RCAN2: variants seen among roughly 807,000 people sequenced by gnomAD.
RCAN2 encodes calcipressin-2.
RCAN2 carries 9 observed loss-of-function variants against 23.6 expected under a neutral mutation model. The ratio of observed to expected loss-of-function variants is 0.38; its 90% CI spans 0.23 to 0.67. The LOEUF (loss-of-function observed/expected upper bound fraction) is 0.67, where lower values mean the gene tolerates loss of function less well. Among genes scored for constraint, RCAN2 ranks in the 30% least tolerant of loss-of-function variants. The pLI is 0.51. For missense variants in RCAN2, 273 were observed against 302.3 expected (o/e 0.90, Z 0.72); for synonymous variants, 109 against 115.7 (o/e 0.94, Z 0.37).
At chr6:46,426,175 A>T (rs1412255920) in intron 2 of RCAN2, among the ~76,000 whole-genome samples, 3 of 152,142 alleles carry the variant, frequency 2.0e-5, no homozygotes, top group Non-Finnish European at 4.4e-5. Context: ...CTGGGATTAC[A>T]GGCATGAGCC....
chr6:46,361,946 T>A (rs1381497913), intron 2 of RCAN2, among the ~76,000 whole-genome samples: 2 of 152,212 alleles, frequency 1.3e-5, no homozygotes, highest in African/African-American at 4.8e-5. Context: ...GTTTGGAGAA[T>A]TTCAGCAGAG....
intron 2 of RCAN2, among the ~76,000 whole-genome samples, chr6:46,282,733 G>A (rs1053081458): frequency 3.3e-5 from 5 of 152,094 alleles, no homozygotes; most frequent in Non-Finnish European, 5.9e-5. Flanking sequence ...GTTATTGATG[G>A]CCAAAGTGTA....
At chr6:46,334,890 C>A (rs1251923044) in intron 2 of RCAN2, among the ~76,000 whole-genome samples, 1 of 152,210 alleles carries the variant, frequency 6.6e-6, no homozygotes, top group East Asian at 1.9e-4. Context: ...GACATATTTT[C>A]CCCTTTCCAT....
At chr6:46,341,702 G>A (rs9367241) in intron 2 of RCAN2, among the ~76,000 whole-genome samples, 63,921 of 151,802 alleles carry the variant, frequency 0.42, 14,882 homozygotes, top group East Asian at 0.6. Context: ...GGAGGCTGAG[G>A]CAGGAGAATC....
rs762847330 is a variant in RCAN2 at position 46,246,776 on chromosome 6, G to A, written c.543C>T (p.Leu181=). 6.2e-7 allele frequency: 1 copy of A among 1,613,768 alleles called. No homozygotes were observed. The highest frequency in any genetic ancestry group is 8.5e-7 in the Non-Finnish European group (1 of 1,179,874). The change falls in exon 4 of 5, where the codon CTC becomes CTT. Residue 181 remains leucine (L), a synonymous_variant. Coordinates refer to ENST00000371374, the MANE Select transcript of RCAN2 (RefSeq NM_001251974.2). ...NDATPVLNYD[L]LYAVAKLGPG... ...GTCCTAGTTTGGCCACAGCATAGAG[G>A]AGGTCATAGTTGAGGACTGGCGTGG...
intron 2 of RCAN2, among the ~76,000 whole-genome samples, chr6:46,402,398 C>T (rs1320859595): frequency 6.6e-6 from 1 of 152,180 alleles, no homozygotes; most frequent in Non-Finnish European, 1.5e-5. Flanking sequence ...GTTGCTCAGT[C>T]CCATTCTCCC....
intron 2 of RCAN2, among the ~76,000 whole-genome samples, chr6:46,427,268 C>A (rs914397380): frequency 2.6e-5 from 4 of 152,110 alleles, no homozygotes; most frequent in African/African-American, 9.7e-5. Context: ...GCCATAGGAA[C>A]TGTTATTTAT....
chr6:46,277,444 A>G (rs1346731239), intron 2 of RCAN2, among the ~76,000 whole-genome samples: 2 of 152,204 alleles, frequency 1.3e-5, no homozygotes, highest in Admixed American at 6.5e-5. Context: ...GAGGACTAGT[A>G]CCCAGAAGAA....
At position 46,381,118 on chromosome 6, in the gene RCAN2, C is replaced by A. The variant is rs139010282; in HGVS notation, c.225+75634G>T. On this transcript the variant is annotated intron_variant, in intron 2 of 4. Transcript: ENST00000371374. ...CAATGTGCAAAAGACTGACACATTC[C>A]GTGAAGTATATTTATAAGTGCATTT... Among the ~76,000 whole-genome samples the A allele has an allele frequency of 6.5e-3, 984 of 152,240 alleles. 4 individuals are homozygous for A. Among genetic ancestry groups the A allele is most frequent in the Non-Finnish European group, 8.8e-3 (598 of 68,036 alleles).
intron 2 of RCAN2, among the ~76,000 whole-genome samples, chr6:46,453,638 C>A (rs1767942726): frequency 6.6e-6 from 1 of 152,102 alleles, no homozygotes; most frequent in South Asian, 2.1e-4. Flanking sequence ...GTGCTGTTAC[C>A]TATATTATGA....
intron 2 of RCAN2, among the ~76,000 whole-genome samples, chr6:46,439,136 A>G (rs1767456445): frequency 6.6e-6 from 1 of 152,230 alleles, no homozygotes; most frequent in African/African-American, 2.4e-5. Context: ...CTCACACTAC[A>G]GAGCCCATTT....
At chr6:46,424,800 T>A (rs895354667) in intron 2 of RCAN2, among the ~76,000 whole-genome samples, 7 of 152,148 alleles carry the variant, frequency 4.6e-5, no homozygotes, top group Non-Finnish European at 8.8e-5. Context: ...ATAATATATA[T>A]AACAAGGTTA....
At chr6:46,264,415 T>A (rs767558771) in intron 2 of RCAN2, among the ~76,000 whole-genome samples, 1 of 152,228 alleles carries the variant, frequency 6.6e-6, no homozygotes, top group East Asian at 1.9e-4. Context: ...GAACTTCTTA[T>A]GATTCAATCA....
At chr6:46,335,593 G>T (rs1342037465) in intron 2 of RCAN2, among the ~76,000 whole-genome samples, 1 of 152,146 alleles carries the variant, frequency 6.6e-6, no homozygotes, top group Non-Finnish European at 1.5e-5. Flanking sequence ...GAGATGAGGG[G>T]GCAGGCATCA....
intron 2 of RCAN2, among the ~76,000 whole-genome samples, chr6:46,286,246 T>A (rs1762368851): frequency 6.6e-6 from 1 of 152,206 alleles, no homozygotes. Flanking sequence ...CTATACCCAA[T>A]CTGGCTGTTT....
intron 4 of RCAN2, among the ~76,000 whole-genome samples, chr6:46,238,210 C>T (rs2150312332): frequency 6.6e-6 from 1 of 152,230 alleles, no homozygotes; most frequent in Non-Finnish European, 1.5e-5. Flanking sequence ...GTGAGGAAAG[C>T]TGGGAGGCAG....
intron 4 of RCAN2, among the ~76,000 whole-genome samples, chr6:46,226,208 G>A (rs990665375): frequency 1.8e-4 from 28 of 152,228 alleles, no homozygotes; most frequent in African/African-American, 6.3e-4. Flanking sequence ...ATAGTTTGAA[G>A]TCAGGTAGCG....
At chr6:46,431,370 C>T (rs1032151979) in intron 2 of RCAN2, among the ~76,000 whole-genome samples, 1 of 151,962 alleles carries the variant, frequency 6.6e-6, no homozygotes, top group African/African-American at 2.4e-5. Context: ...ATGCCTGGCC[C>T]CAACTTGCTT....
intron 1 of RCAN2, among the ~76,000 whole-genome samples, chr6:46,462,282 T>C (rs578109339): frequency 6.6e-6 from 1 of 152,100 alleles, no homozygotes; most frequent in East Asian, 1.9e-4. Context: ...AACAACCTTT[T>C]CCCCCCAGAA....
Sources: allele counts gnomAD v4.1 joint callset (sites outside exome capture counted in the v4.1 genomes callset), GRCh38; gene constraint gnomAD v4.1.1; transcripts MANE v1.5; gene names NCBI Gene and HGNC (gene_info 2026-07-23, HGNC 2026-07-21).